MON2: variants seen among roughly 807,000 people sequenced by gnomAD.
The protein encoded by MON2 is MON2 regulator of endosome-to-Golgi trafficking.
In MON2, 84 loss-of-function variants were observed where a neutral mutation model predicts 208.6. That is an observed-to-expected ratio of 0.40 (90% CI 0.34 to 0.48). The LOEUF (loss-of-function observed/expected upper bound fraction) is 0.48. Among genes scored for constraint, MON2 ranks in the 20% least tolerant of loss-of-function variants. The pLI is 0.59. For synonymous variants in MON2, 660 were observed against 694.0 expected (o/e 0.95, Z 0.77); for missense variants, 1,611 against 2,015.4 (o/e 0.80, Z 3.84).
chr12:62,564,539 A>C (rs1199060245), intron 26 of MON2, among the ~76,000 whole-genome samples: 1 of 152,100 alleles, frequency 6.6e-6, no homozygotes, highest in Non-Finnish European at 1.5e-5. Context: ...CATTTGAAAT[A>C]ATTAAAATCT....
chr12:62,570,006 T>C (rs1372366803), intron 29 of MON2, among the ~76,000 whole-genome samples: 1 of 152,228 alleles, frequency 6.6e-6, no homozygotes, highest in East Asian at 1.9e-4. Context: ...ATTTTTACTC[T>C]AATGCAAATT....
At chr12:62,540,468 A>G (rs2136251267) in intron 19 of MON2, among the ~76,000 whole-genome samples, 1 of 152,338 alleles carries the variant, frequency 6.6e-6, no homozygotes, top group South Asian at 2.1e-4. Context: ...GGTAGGATTT[A>G]GGTAGGAAAG....
chr12:62,583,891 T>G (rs1592466836), intron 32 of MON2, among the ~76,000 whole-genome samples: 1 of 134,562 alleles, frequency 7.4e-6, no homozygotes, highest in African/African-American at 2.8e-5. Flanking sequence ...ACCTGGGAGG[T>G]GGAGGTTGCA....
At chr12:62,478,224 T>C (rs1398325580) in intron 1 of MON2, among the ~76,000 whole-genome samples, 1 of 152,190 alleles carries the variant, frequency 6.6e-6, no homozygotes, top group Non-Finnish European at 1.5e-5. Context: ...ATATAGCTAC[T>C]GTATGAAAGG....
chr12:62,533,565 G>A (rs1267327726), intron 12 of MON2, among the ~76,000 whole-genome samples: 1 of 152,150 alleles, frequency 6.6e-6, no homozygotes, highest in Non-Finnish European at 1.5e-5. Context: ...CTTTGGACAT[G>A]TCCCATGCCC....
rs374869153 is a variant in MON2, at chr12:62,589,951, G to A, written c.4990+1795G>A. Among the ~76,000 whole-genome samples the A allele has an allele frequency of 5.9e-5, 9 of 152,076 alleles. No individual in the cohort carries two copies. In the East Asian group the frequency reaches 1.3e-3, roughly 23 times the overall value. On this transcript the variant is annotated intron_variant, in intron 34 of 34. Transcript: ENST00000393630. Reference sequence around the variant, plus strand: ...TATGAAGTGAAAATTTAAATTGAATGTAAACATATAAGATGATATAACATT... The same window carrying A: ...TATGAAGTGAAAATTTAAATTGAATATAAACATATAAGATGATATAACATT...
chr12:62,509,734 G>C (rs144773061), intron 8 of MON2, among the ~76,000 whole-genome samples: 7 of 152,248 alleles, frequency 4.6e-5, no homozygotes, highest in Admixed American at 6.5e-5. Context: ...GAAATCAATA[G>C]TGGAAGGAAA....
At chr12:62,531,693 AGCTG>A (rs562735715) in intron 11 of MON2, among the ~76,000 whole-genome samples, 24 of 152,258 alleles carry the variant, frequency 1.6e-4, no homozygotes, top group African/African-American at 5.8e-4. Flanking sequence ...ATGATAGGTG[AGCTG>A]GGCATCTCAC....
At chr12:62,563,512 C>T (rs117906861) in intron 26 of MON2, among the ~76,000 whole-genome samples, 1,791 of 152,092 alleles carry the variant, frequency 0.012, 11 homozygotes, top group South Asian at 0.031. Context: ...ATCTAGATTG[C>T]TTATCAGTTC....
chr12:62,543,913 T>G (rs2073358514), intron 20 of MON2, among the ~76,000 whole-genome samples: 1 of 152,140 alleles, frequency 6.6e-6, no homozygotes, highest in Non-Finnish European at 1.5e-5. Context: ...CTGGCCTTGA[T>G]TATGAGATAG....
chr12:62,585,112 AAAC>A (rs1250920781), intron 32 of MON2, among the ~76,000 whole-genome samples, 179 bp from the exon 33 acceptor site: 1 of 58,400 alleles, frequency 1.7e-5, no homozygotes, highest in South Asian at 5.1e-4. Context: ...CACACACACA[AAAC>A]AAAAAAAAAC....
At chr12:62,522,544 A>G (rs1051149625) in intron 8 of MON2, among the ~76,000 whole-genome samples, 3 of 152,234 alleles carry the variant, frequency 2.0e-5, no homozygotes, top group Admixed American at 6.5e-5. Context: ...TGACGTTTAG[A>G]TAATAATCTA....
At chr12:62,584,218 T>G (rs1374560056) in intron 32 of MON2, among the ~76,000 whole-genome samples, 1 of 152,118 alleles carries the variant, frequency 6.6e-6, no homozygotes, top group East Asian at 1.9e-4. Context: ...TCAGTAAGAC[T>G]GGGAGGCATG....
chr12:62,532,993 G>C (rs61919485), intron 12 of MON2, among the ~76,000 whole-genome samples: 19,237 of 152,040 alleles, frequency 0.13, 1,346 homozygotes, highest in East Asian at 0.27. Flanking sequence ...TCTAACTCCA[G>C]GTCTCATTCA....
At chr12:62,494,070 A>G in intron 3 of MON2, 28 bp downstream of exon 3, 1 of 1,593,834 alleles carries the variant, frequency 6.3e-7, no homozygotes, top group Non-Finnish European at 8.6e-7. Context: ...TCTAAACTTC[A>G]CCTAAGAGTT....
chr12:62,579,224 A>G (rs895272589), intron 31 of MON2, among the ~76,000 whole-genome samples: 8 of 152,062 alleles, frequency 5.3e-5, no homozygotes, highest in Non-Finnish European at 8.8e-5. Context: ...AGCCTGGGCA[A>G]CAGAGCAAGA....
chr12:62,517,411 A>G (rs1245505311), intron 8 of MON2, among the ~76,000 whole-genome samples: 1 of 152,106 alleles, frequency 6.6e-6, no homozygotes, highest in African/African-American at 2.4e-5. Context: ...ATAAAATTTG[A>G]TGCTATGGGT....
chr12:62,517,311 C>A (rs1213910587), intron 8 of MON2, among the ~76,000 whole-genome samples: 6 of 152,290 alleles, frequency 3.9e-5, no homozygotes. Flanking sequence ...CTAGTTACAT[C>A]TTCATAGTAA....
chr12:62,581,067 A>G (rs538954940), intron 32 of MON2, among the ~76,000 whole-genome samples: 75 of 152,368 alleles, frequency 4.9e-4, no homozygotes, highest in African/African-American at 1.7e-3. Context: ...TACAGGAAAG[A>G]AAATTGATTT....
Sources: gnomAD v4.1 joint callset for allele counts (sites outside exome capture counted in the v4.1 genomes callset) on GRCh38, gnomAD v4.1.1 for gene constraint, MANE v1.5 for transcripts, NCBI Gene and HGNC (gene_info 2026-07-23, HGNC 2026-07-21) for gene names.